SPATC1: variants seen among roughly 807,000 people sequenced by gnomAD.
The protein encoded by SPATC1 is speriolin.
In SPATC1, 35 loss-of-function variants were observed where a neutral mutation model predicts 36.5. The ratio of observed to expected loss-of-function variants is 0.96; its 90% CI spans 0.73 to 1.27. The LOEUF is 1.27. Among genes scored for constraint, SPATC1 ranks in the 50% most tolerant of loss-of-function variants. The pLI is 0.00. For synonymous variants in SPATC1, 361 were observed against 353.6 expected (o/e 1.02, Z -0.24); for missense variants, 779 against 796.0 (o/e 0.98, Z 0.26).
intron 1 of SPATC1, among the ~76,000 whole-genome samples, chr8:144,014,231 A>T (rs2133093553): frequency 6.6e-6 from 1 of 152,042 alleles, no homozygotes; most frequent in Admixed American, 6.5e-5. Flanking sequence ...AGCCTGGGCA[A>T]AAAGAGCGAA....
chr8:144,040,441 G>T lies in SPATC1; in HGVS notation c.744G>T (p.Val248=). 3.7e-6 allele frequency: 6 copies of T among 1,602,352 alleles called. No individual in the cohort carries two copies. The South Asian group carries it at 6.7e-5, about 18-fold the overall frequency. ...GPTGPQSPAC[V]VPTATTKVPL... is the part of the protein sequence containing the mutation. ...CTGGGCCCCAGTCCCCAGCTTGCGT[G>T]GTACCCACTGCCACCACCAAAGGTA... is the stretch of plus-strand genomic sequence containing the variant. Residue 248 remains valine (V), a synonymous_variant, in exon 2 of 5, where the codon GTG becomes GTT. Transcript: ENST00000377470.
In SPATC1 at chr8:144,040,772, C is replaced by A. The variant is rs781830361; in HGVS notation, c.971C>A (p.Thr324Asn). Residue 324 changes from threonine (T) to asparagine (N), a missense_variant, in exon 3 of 5, where the codon ACC (threonine) becomes AAC (asparagine). Physicochemically the swap from Thr to Asn is moderately conservative, Grantham distance 65. Transcript: ENST00000377470. ...CAAGTGGTCCCTGCATCTGTCCCCA[C>A]CTCCCCCACCACCTCCCCCACGGTC... ...QEQVVPASVP[T>N]SPTTSPTVTV... 2 of 1,593,002 alleles carry A rather than the reference C, an allele frequency of 1.3e-6. No homozygotes were observed. The highest frequency in any genetic ancestry group is 8.5e-7 in the Non-Finnish European group (1 of 1,170,820).
chr8:144,046,698 C>G lies in SPATC1; in HGVS notation c.1518C>G (p.Ser506Arg). The change falls in exon 5 of 5, where the codon AGC (serine) becomes AGG (arginine). Residue 506 changes from serine (S) to arginine (R), a missense_variant. Coordinates refer to ENST00000377470, the MANE Select transcript of SPATC1 (RefSeq NM_198572.3). The surrounding 1 kb of genome is among the most constrained non-coding windows in gnomAD (Gnocchi z 6.6). ...LCQRLTQRYV[S>R]VMNRLQSLGY... ...AGAGGCTCACACAGCGCTATGTGAG[C>G]GTCATGAACAGGCTGCAGAGTCTGG... is the stretch of plus-strand genomic sequence containing the variant. 1 of 1,612,562 alleles carries G rather than the reference C, an allele frequency of 6.2e-7. No individual in the cohort carries two copies. Among genetic ancestry groups the G allele is most frequent in the South Asian group, 1.1e-5 (1 of 91,078 alleles).
rs1564266546 is a variant in SPATC1 at position 144,016,627 on chromosome 8, T to TTTGTTTG, written c.211+3903_211+3904insGTTTGTT. 5.3e-5 allele frequency among the ~76,000 whole-genome samples: 8 copies of TTTGTTTG among 149,854 alleles called. No homozygotes were observed. The highest frequency in any genetic ancestry group is 1.8e-4 in the African/African-American group (7 of 39,572). On this transcript the variant is annotated intron_variant, in intron 1 of 4. Transcript: ENST00000377470. This position sits in a 1 kb window ranked among gnomAD's most constrained non-coding sequence, Gnocchi z 4.5. Reference sequence around the variant, plus strand: ...TTTTTGTTTGTTTGTTTGTTTGTTTTTTTGTTTGTTTGTTTTTGAGACAGA... The same window carrying TTTGTTTG: ...TTTTTGTTTGTTTGTTTGTTTGTTTTTTGTTTGTTTGTTTGTTTGTTTTTGAGACAGA...
intron 1 of SPATC1, among the ~76,000 whole-genome samples, chr8:144,032,158 T>G (rs1834810956): frequency 6.6e-6 from 1 of 152,220 alleles, no homozygotes; most frequent in Non-Finnish European, 1.5e-5. Context: ...TTTCTTTCTA[T>G]TCCTGAAACT....
At chr8:144,039,313 G>T (rs1474939065) in intron 1 of SPATC1, among the ~76,000 whole-genome samples, 4 of 152,202 alleles carry the variant, frequency 2.6e-5, no homozygotes, top group Admixed American at 2.6e-4. Flanking sequence ...CTGGGACCAG[G>T]GTGTGTGACC....
intron 1 of SPATC1, among the ~76,000 whole-genome samples, chr8:144,029,969 C>T (rs919736797): frequency 7.2e-5 from 11 of 152,184 alleles, no homozygotes; most frequent in Non-Finnish European, 8.8e-5. Context: ...ATATATTTTC[C>T]GGATCTGTTA....
At chr8:144,042,581 G>A (rs1044725606) in intron 4 of SPATC1, among the ~76,000 whole-genome samples, 2 of 151,630 alleles carry the variant, frequency 1.3e-5, no homozygotes, top group Admixed American at 6.6e-5. Flanking sequence ...CTCAGCCTCC[G>A]AAAGTGCGGG....
chr8:144,012,412 G>A lies in SPATC1; in HGVS notation c.-104G>A. On this transcript the variant is annotated 5_prime_UTR_variant, in exon 1 of 5. Transcript: ENST00000377470. ...ACCCAGGGCCCACTGGGCCAGCCTT[G>A]CAGACTCTGCACCCTCCTTCAGCCC... 3.0e-6 allele frequency: 3 copies of A among 1,000,058 alleles called. No individual in the cohort carries two copies. Among genetic ancestry groups the A allele is most frequent in the East Asian group, 2.6e-5 (1 of 38,284 alleles). The allele number at this position is 1,000,058 out of a possible 1,614,324, so 61.9% of individuals were successfully genotyped here.
chr8:144,014,157 C>G (rs1363040180), intron 1 of SPATC1, among the ~76,000 whole-genome samples: 2 of 152,036 alleles, frequency 1.3e-5, no homozygotes, highest in Non-Finnish European at 2.9e-5. Context: ...GAGGCTGAGA[C>G]AGGAGAATCC....
chr8:144,042,311 A>ATTTTTTTTTTTTT (rs1184651892), intron 4 of SPATC1, among the ~76,000 whole-genome samples: 2 of 23,884 alleles, frequency 8.4e-5, no homozygotes, highest in Non-Finnish European at 1.3e-4. Flanking sequence ...ATATATATAT[A>ATTTTTTTTTTTTT]TTTTTTTTTT....
chr8:144,039,205 G>C (rs1554755270), intron 1 of SPATC1, among the ~76,000 whole-genome samples: 1 of 152,188 alleles, frequency 6.6e-6, no homozygotes, highest in African/African-American at 2.4e-5. Flanking sequence ...CCGGGGATCA[G>C]GGGGCTTCTC....
intron 1 of SPATC1, among the ~76,000 whole-genome samples, chr8:144,013,514 CT>C (rs1554752739): frequency 6.6e-6 from 1 of 152,200 alleles, no homozygotes; most frequent in Non-Finnish European, 1.5e-5. Context: ...TCCCTGCCCC[CT>C]ACCCACTGGG....
chr8:144,037,183 G>A (rs1332461048), intron 1 of SPATC1, among the ~76,000 whole-genome samples: 2 of 139,806 alleles, frequency 1.4e-5, no homozygotes, highest in African/African-American at 5.2e-5. Flanking sequence ...CGCCCCGTCC[G>A]GGAGGGAGGT....
At position 144,046,840 on chromosome 8, in the gene SPATC1, C is replaced by T; in HGVS notation, c.1660C>T (p.Leu554=). 1.2e-6 allele frequency: 2 copies of T among 1,602,910 alleles called. No homozygotes were observed. The highest frequency in any genetic ancestry group is 1.7e-6 in the Non-Finnish European group (2 of 1,179,862). The change falls in exon 5 of 5, where the codon CTG becomes TTG. Residue 554 remains leucine (L), a synonymous_variant. Transcript: ENST00000377470. The surrounding 1 kb of genome is among the most constrained non-coding windows in gnomAD (Gnocchi z 6.6). ...GGGCGGCCCCTACACCGTGGACTTC[C>T]TGCAGCGTGTGGTGGTGGAGACCGT... ...SEGGPYTVDF[L]QRVVVETVHP... is the part of the protein sequence containing the mutation.
intron 1 of SPATC1, among the ~76,000 whole-genome samples, chr8:144,026,366 T>G (rs1353077184): frequency 2.0e-5 from 3 of 152,228 alleles, no homozygotes; most frequent in African/African-American, 7.2e-5. Context: ...TGGTGGCCAT[T>G]TGGGTTATTT....
intron 1 of SPATC1, among the ~76,000 whole-genome samples, chr8:144,032,679 T>C (rs1395097822): frequency 6.6e-6 from 1 of 152,158 alleles, no homozygotes; most frequent in Non-Finnish European, 1.5e-5. Context: ...TTATTGCTGC[T>C]TGTTATGGGT....
intron 4 of SPATC1, chr8:144,042,202 A>G (rs1442871536): frequency 6.0e-6 from 1 of 167,466 alleles, no homozygotes; most frequent in African/African-American, 2.6e-5. Flanking sequence ...GCGTGATCCT[A>G]GCTCACTGCA....
chr8:144,046,991 CACAGCCCTGT>C lies in SPATC1; in HGVS notation c.*36_*45del. ...TGGGAGGTCCAGGCTCGCTCAGCCCCACAGCCCTGTGCACGGCCATTAAAGCTTCCCACAG... is the reference window on the plus strand; with the variant it reads ...TGGGAGGTCCAGGCTCGCTCAGCCCCGCACGGCCATTAAAGCTTCCCACAG... On this transcript the variant is annotated 3_prime_UTR_variant, in exon 5 of 5. Transcript: ENST00000377470. The surrounding 1 kb of genome is among the most constrained non-coding windows in gnomAD (Gnocchi z 6.6). 6.4e-7 allele frequency: 1 copy of C among 1,574,464 alleles called. No individual in the cohort carries two copies. Among genetic ancestry groups the C allele is most frequent in the Non-Finnish European group, 8.6e-7 (1 of 1,166,530 alleles).
Sources: allele counts gnomAD v4.1 joint callset (sites outside exome capture counted in the v4.1 genomes callset), GRCh38; gene constraint gnomAD v4.1.1; non-coding constraint Gnocchi (gnomAD v3.1); transcripts MANE v1.5; gene names NCBI Gene and HGNC (gene_info 2026-07-23, HGNC 2026-07-21).